Variants in THEM6 observed in about 807,000 individuals in gnomAD.
THEM6 encodes thioesterase superfamily member 6.
In THEM6, 10 loss-of-function variants were observed where a neutral mutation model predicts 13.7. The observed-to-expected ratio is 0.73, with a 90% CI of 0.45 to 1.24. The LOEUF (loss-of-function observed/expected upper bound fraction) is 1.24, where lower values mean the gene tolerates loss of function less well. Ranked by LOEUF, THEM6 falls within the 50% of genes most tolerant of loss-of-function variation. The probability of loss-of-function intolerance (pLI) is 0.00; values close to 1 mark genes in which losing one functional copy is unlikely to be tolerated. For synonymous variants in THEM6, 161 were observed against 156.0 expected, an observed-to-expected ratio of 1.03 and a Z score of -0.24; for missense variants, 317 against 312.6, an observed-to-expected ratio of 1.01 and a Z score of -0.11.
chr8:142,728,937 CTTTTTTTT>C (rs58263738), intron 1 of THEM6, among the ~76,000 whole-genome samples: 4 of 107,266 alleles, frequency 3.7e-5, no homozygotes, highest in South Asian at 3.3e-4. Flanking sequence ...TTACTATTTT[CTTTTTTTT>C]TTTTTTTTTT....
At position 142,727,427 on chromosome 8, in the gene THEM6, T is replaced by C. The variant is rs782679402; in HGVS notation, c.81T>C (p.Leu27=). The C allele has an allele frequency of 5.8e-5, 89 of 1,544,688 alleles. No homozygotes were observed. The South Asian group carries it at 1.0e-3, about 18-fold the overall frequency. ...ALLDVWYLVR[L]PCAVLRARLL... ...TGGACGTCTGGTACCTGGTGCGCCT[T>C]CCGTGCGCCGTGCTGCGCGCGCGCC... Residue 27 remains leucine (L), a synonymous_variant, in exon 1 of 2, where the codon CTT becomes CTC. Transcript: ENST00000336138.
At chr8:142,731,402 A>G (rs1334892294) in intron 1 of THEM6, among the ~76,000 whole-genome samples, 2 of 152,194 alleles carry the variant, frequency 1.3e-5, no homozygotes, top group African/African-American at 4.8e-5. Flanking sequence ...CATACCTTGT[A>G]TATAAACTGT....
chr8:142,732,207 T>TATATATATATATATATG (rs1563822652), intron 1 of THEM6, among the ~76,000 whole-genome samples: 1 of 91,490 alleles, frequency 1.1e-5, no homozygotes, highest in Admixed American at 1.2e-4. Flanking sequence ...TATATATATA[T>TATATATATATATATATG]TTTAACTACT....
At chr8:142,732,406 A>G in intron 1 of THEM6, among the ~76,000 whole-genome samples, 1 of 150,746 alleles carries the variant, frequency 6.6e-6, no homozygotes, top group Non-Finnish European at 1.5e-5. Flanking sequence ...GGCCCCTCTT[A>G]GTGTAGGCGT....
intron 1 of THEM6, among the ~76,000 whole-genome samples, chr8:142,731,317 C>G (rs1815642662): frequency 6.6e-6 from 1 of 151,998 alleles, no homozygotes; most frequent in Non-Finnish European, 1.5e-5. Flanking sequence ...ATTTTTTAAC[C>G]TTTTAATGTA....
At chr8:142,732,746 G>A (rs1394288048) in intron 1 of THEM6, among the ~76,000 whole-genome samples, 2 of 144,866 alleles carry the variant, frequency 1.4e-5, no homozygotes, top group East Asian at 2.0e-4. Context: ...CTGAGAGTCC[G>A]GGTTTATTCG....
chr8:142,727,673 C>G lies in THEM6; in HGVS notation c.327C>G (p.Arg109=). The G allele has an allele frequency of 1.4e-6, 2 of 1,432,540 alleles. No individual in the cohort carries two copies. The highest frequency in any genetic ancestry group is 1.8e-6 in the Non-Finnish European group (2 of 1,105,140). 88.7% of individuals were successfully genotyped at this position (1,432,540 alleles called of 1,614,324 possible). Residue 109 remains arginine (R), a synonymous_variant, in exon 1 of 2, where the codon CGC becomes CGG. Transcript: ENST00000336138. ...CGGCCTCGTGCGCGCGCCACCGCCGCTCGCTGCGCCTGCTGGAGCCCTTCG... is the reference window on the plus strand; with the variant it reads ...CGGCCTCGTGCGCGCGCCACCGCCGGTCGCTGCGCCTGCTGGAGCCCTTCG... ...VLAASCARHR[R]SLRLLEPFEV...
intron 1 of THEM6, among the ~76,000 whole-genome samples, chr8:142,731,670 C>G (rs1410932959): frequency 2.0e-5 from 3 of 152,198 alleles, no homozygotes; most frequent in African/African-American, 7.2e-5. Context: ...TCTCTCTTCA[C>G]TCTCTTCATC....
chr8:142,729,011 C>T (rs981820522), intron 1 of THEM6, among the ~76,000 whole-genome samples: 3 of 142,358 alleles, frequency 2.1e-5, no homozygotes, highest in Non-Finnish European at 4.5e-5. Context: ...GTGATCTCGG[C>T]TCACTGCAAC....
intron 1 of THEM6, among the ~76,000 whole-genome samples, chr8:142,731,416 T>A (rs1181300714): frequency 6.6e-6 from 1 of 152,244 alleles, no homozygotes; most frequent in Admixed American, 6.5e-5. Flanking sequence ...AAACTGTTTT[T>A]TTTTAAATAA....
At chr8:142,732,202 A>ATATATATATATATG (rs1815664010) in intron 1 of THEM6, among the ~76,000 whole-genome samples, 1 of 102,634 alleles carries the variant, frequency 9.7e-6, no homozygotes, top group African/African-American at 4.2e-5. Context: ...ATATATATAT[A>ATATATATATATATG]TATATTTTAA....
Position 142,735,888 on chromosome 8 carries a change from A to C in THEM6, c.*449A>C, listed in dbSNP as rs911231663. On this transcript the variant is annotated 3_prime_UTR_variant, in exon 2 of 2. Coordinates refer to ENST00000336138, the MANE Select transcript of THEM6 (RefSeq NM_016647.3). The stretch of plus-strand genomic sequence containing the variant: ...CAGGGCCTGGGCCTGATTCAGGTGC[A>C]GTGGGCACTCCTGAAGGGTCAGAGC... The C allele has an allele frequency of 6.0e-6, 1 of 165,446 alleles. No homozygotes were observed. The highest frequency in any genetic ancestry group is 1.3e-5 in the Non-Finnish European group (1 of 75,488). 10.2% of individuals were successfully genotyped at this position (165,446 alleles called of 1,614,324 possible). A position where few individuals can be genotyped will look rare whatever the true frequency, so the allele number is the denominator to read the frequency against.
chr8:142,730,511 A>G (rs1815623108), intron 1 of THEM6, among the ~76,000 whole-genome samples: 1 of 152,192 alleles, frequency 6.6e-6, no homozygotes. Flanking sequence ...AGCGCCGCCC[A>G]GGGGACACTG....
intron 1 of THEM6, among the ~76,000 whole-genome samples, chr8:142,730,024 T>C (rs1466403643): frequency 6.6e-6 from 1 of 152,196 alleles, no homozygotes; most frequent in Admixed American, 6.5e-5. Flanking sequence ...CCGCAAGGTA[T>C]GACAGAACAA....
intron 1 of THEM6, chr8:142,734,800 C>G (rs1395240408): frequency 6.4e-6 from 1 of 155,438 alleles, no homozygotes; most frequent in Non-Finnish European, 1.4e-5. Context: ...CAATGCCCAT[C>G]TGCAAGGCTG....
At chr8:142,734,548 C>CA (rs1815718871) in intron 1 of THEM6, 1 of 152,698 alleles carries the variant, frequency 6.5e-6, no homozygotes, top group African/African-American at 2.4e-5. Context: ...GGCTGGCCTG[C>CA]GGTGATGTGG....
intron 1 of THEM6, 32 bp from the exon 2 acceptor site, chr8:142,735,293 CT>C (rs1458381931): frequency 6.7e-7 from 1 of 1,500,632 alleles, no homozygotes; most frequent in African/African-American, 1.4e-5. Context: ...AAGGCCGTAG[CT>C]TAGCTGGGTG....
chr8:142,729,329 G>A (rs1252872081), intron 1 of THEM6, among the ~76,000 whole-genome samples: 1 of 152,166 alleles, frequency 6.6e-6, no homozygotes, highest in African/African-American at 2.4e-5. Context: ...CCTGCAGAAA[G>A]GGTACACTCG....
intron 1 of THEM6, among the ~76,000 whole-genome samples, chr8:142,734,107 C>T (rs1815708469): frequency 1.3e-5 from 2 of 152,224 alleles, no homozygotes; most frequent in Admixed American, 1.3e-4. Flanking sequence ...GCCTGTCCCA[C>T]ACCCTCTTCT....
Sources: allele counts gnomAD v4.1 joint callset (sites outside exome capture counted in the v4.1 genomes callset), GRCh38; gene constraint gnomAD v4.1.1; transcripts MANE v1.5; gene names NCBI Gene and HGNC (gene_info 2026-07-23, HGNC 2026-07-21).